The following RIMS3 variants were observed in gnomAD, a reference collection of about 807,000 sequenced individuals.
The protein encoded by RIMS3 is regulating synaptic membrane exocytosis protein 3.
Under a neutral mutation model 29.2 loss-of-function variants are expected in RIMS3, and 15 were observed. The ratio of observed to expected loss-of-function variants is 0.51; its 90% confidence interval spans 0.34 to 0.79. The LOEUF (loss-of-function observed/expected upper bound fraction) is 0.79, where lower values mean the gene tolerates loss of function less well. RIMS3 is among the 30% of genes least tolerant of loss of function. RIMS3 has a pLI of 0.01. For missense variants in RIMS3, 342 were observed against 421.4 expected, an observed-to-expected ratio of 0.81 and a Z score of 1.65; for synonymous variants, 161 against 170.1, an observed-to-expected ratio of 0.95 and a Z score of 0.41.
At chr1:40,649,749 C>T (rs1022925084) in intron 1 of RIMS3, among the ~76,000 whole-genome samples, 1 of 152,180 alleles carries the variant, frequency 6.6e-6, no homozygotes, top group Non-Finnish European at 1.5e-5. Flanking sequence ...CCATGGCTAC[C>T]AGGCTGACCC....
chr1:40,650,097 G>A (rs917060875), intron 1 of RIMS3, among the ~76,000 whole-genome samples: 2 of 152,114 alleles, frequency 1.3e-5, no homozygotes, highest in Non-Finnish European at 2.9e-5. Flanking sequence ...TGGGGTGGTC[G>A]GACTCAAACC....
At chr1:40,663,655 G>A (rs1642384257) in intron 1 of RIMS3, among the ~76,000 whole-genome samples, 1 of 152,208 alleles carries the variant, frequency 6.6e-6, no homozygotes, top group Admixed American at 6.5e-5. Context: ...CTTTAGGCCT[G>A]GGTTCTGCGC....
chr1:40,647,174 C>T (rs1020695225), intron 2 of RIMS3, among the ~76,000 whole-genome samples: 3 of 152,262 alleles, frequency 2.0e-5, no homozygotes, highest in East Asian at 1.9e-4. Context: ...CTACCGCGCC[C>T]GGCCCAGATG....
At chr1:40,686,068 G>C in the RIMS3 span, among the ~76,000 whole-genome samples, 2 of 152,118 alleles carry the variant, frequency 1.3e-5, no homozygotes, top group Non-Finnish European at 2.9e-5. Context: ...AGAATAGCTC[G>C]AACCTGGGAG....
chr1:40,642,140 T>C (rs1646562911), intron 2 of RIMS3, among the ~76,000 whole-genome samples, 184 bp from the exon 3 acceptor site: 1 of 152,224 alleles, frequency 6.6e-6, no homozygotes, highest in Non-Finnish European at 1.5e-5. Context: ...AGACTATTCC[T>C]ATTAGCACAT....
At chr1:40,678,501 C>CT in the RIMS3 span, among the ~76,000 whole-genome samples, 2 of 152,216 alleles carry the variant, frequency 1.3e-5, no homozygotes, top group Non-Finnish European at 1.5e-5. Flanking sequence ...CCCGGCCCCT[C>CT]TGTTTTGGGC....
At chr1:40,686,018 G>A in the RIMS3 span, among the ~76,000 whole-genome samples, 5 of 151,952 alleles carry the variant, frequency 3.3e-5, no homozygotes, top group Non-Finnish European at 7.4e-5. Context: ...GTGTGGTGGT[G>A]GGCACCTGTA....
intron 2 of RIMS3, among the ~76,000 whole-genome samples, chr1:40,642,298 C>T (rs1016460363): frequency 6.6e-6 from 1 of 152,160 alleles, no homozygotes; most frequent in African/African-American, 2.4e-5. Context: ...CAGTGAACAT[C>T]TCAGCAAGAT....
the RIMS3 span, chr1:40,691,987 C>T: frequency 6.7e-6 from 2 of 296,804 alleles, no homozygotes; most frequent in South Asian, 2.4e-5. Flanking sequence ...TGCTGTAGCT[C>T]GGTCCGTCCT....
At position 40,628,909 on chromosome 1, in the gene RIMS3, G is replaced by C; in HGVS notation, c.615C>G (p.Cys205Trp). The change falls in exon 7 of 8, where the codon TGC becomes TGG. Residue 205 changes from cysteine (C) to tryptophan (W), a missense_variant. Physicochemically the swap from Cys to Trp is radical, Grantham distance 215. Transcript: ENST00000372684. ...TCATCTTTGTCTTCTTCTTGGCCAA[G>C]CAGGCCCCATTCTCCAGCAGGTAAA... ...IKVYLLENGA[C>W]LAKKKTKMTK... 1.9e-6 allele frequency: 3 copies of C among 1,613,750 alleles called. No homozygotes were observed. Among genetic ancestry groups the C allele is most frequent in the Non-Finnish European group, 2.5e-6 (3 of 1,180,016 alleles).
chr1:40,689,769 T>C, the RIMS3 span, among the ~76,000 whole-genome samples: 9 of 152,208 alleles, frequency 5.9e-5, no homozygotes, highest in Non-Finnish European at 1.3e-4. Context: ...TATGTATCAA[T>C]TGACTGTTAT....
the RIMS3 span, among the ~76,000 whole-genome samples, chr1:40,674,682 T>TTC: frequency 6.6e-6 from 1 of 152,096 alleles, no homozygotes; most frequent in African/African-American, 2.4e-5. Context: ...CCATTTCTTC[T>TTC]TCTCTCTCTC....
upstream of RIMS3, among the ~76,000 whole-genome samples, chr1:40,669,971 A>G (rs1642471655): frequency 1.3e-5 from 2 of 151,852 alleles, no homozygotes; most frequent in African/African-American, 4.8e-5. Context: ...CTTCCTAAAT[A>G]CTTCCTAGGT....
intron 6 of RIMS3, 29 bp downstream of exon 6, chr1:40,629,242 G>C (rs772679096): frequency 6.3e-7 from 1 of 1,580,916 alleles, no homozygotes; most frequent in African/African-American, 1.3e-5. Flanking sequence ...GCCCCTCCCT[G>C]TCAGGACCCC....
At chr1:40,655,447 TTGTGAAAACAATGGCACAAATTCTCC>T (rs1203398379) in intron 1 of RIMS3, among the ~76,000 whole-genome samples, 1 of 152,052 alleles carries the variant, frequency 6.6e-6, no homozygotes, top group Non-Finnish European at 1.5e-5. Flanking sequence ...CCCAAGCAGG[TTGTGAAAACAATGGCACAAATTCTCC>T]TGTCTGCAGG....
Position 40,641,909 on chromosome 1 carries a change from G to T in RIMS3, c.17C>A (p.Pro6Gln). 1.9e-6 allele frequency: 3 copies of T among 1,613,652 alleles called. No homozygotes were observed. Among genetic ancestry groups the T allele is most frequent in the Non-Finnish European group, 2.5e-6 (3 of 1,179,740 alleles). The change falls in exon 3 of 8, where the codon CCA (proline) becomes CAA (glutamine). Residue 6 changes from proline to glutamine, a missense_variant. Coordinates refer to ENST00000372684, the MANE Select transcript of RIMS3 (RefSeq NM_014747.3). MFNGE[P>Q]GPASSGASRN... Reference sequence around the variant, plus strand: ...GGAGGCCCCAGATGAGGCAGGACCTGGCTCCCCGTTAAACATGGTCCCCGG... The same window carrying T: ...GGAGGCCCCAGATGAGGCAGGACCTTGCTCCCCGTTAAACATGGTCCCCGG...
rs1646420368 is a variant in RIMS3 at position 40,621,457 on chromosome 1, C to T, written c.*5060G>A. The T allele has an allele frequency of 6.6e-6, 1 of 152,146 alleles. No homozygotes were observed. The highest frequency in any genetic ancestry group is 1.5e-5 in the Non-Finnish European group (1 of 68,034). 9.4% of individuals were successfully genotyped at this position (152,146 alleles called of 1,614,324 possible). On this transcript the variant is annotated 3_prime_UTR_variant, in exon 8 of 8. Transcript: ENST00000372684. ...GTCTGAGGCAGCATCTGGGCATGGA[C>T]CAGATGAGAGCCTGCACCCAGCCTG...
At chr1:40,665,261 C>T (rs1642407441) in intron 1 of RIMS3, 133 bp downstream of exon 1, 1 of 151,330 alleles carries the variant, frequency 6.6e-6, no homozygotes, top group Non-Finnish European at 1.5e-5. Context: ...TTCATCCCCC[C>T]ACCCCCGCCC....
At chr1:40,667,507 G>C (rs1642440917), upstream of RIMS3, among the ~76,000 whole-genome samples, 1 of 152,152 alleles carries the variant, frequency 6.6e-6, no homozygotes, top group African/African-American at 2.4e-5. Context: ...TGAAAACTTA[G>C]CACTATCTCT....
Sources: gnomAD v4.1 joint callset for allele counts (sites outside exome capture counted in the v4.1 genomes callset) on GRCh38, gnomAD v4.1.1 for gene constraint, MANE v1.5 for transcripts, NCBI Gene and HGNC (gene_info 2026-07-23, HGNC 2026-07-21) for gene names.